RANBP2: variants seen among roughly 807,000 people sequenced by gnomAD.
The protein encoded by RANBP2 is RAN binding protein 2.
In RANBP2, 57 loss-of-function variants were observed where a neutral mutation model predicts 303.6. That is an observed-to-expected ratio of 0.19 (90% confidence interval 0.15 to 0.23). The LOEUF is 0.23. RANBP2 is among the 10% of genes least tolerant of loss of function. The pLI is 1.00. For synonymous variants in RANBP2, 1,167 were observed against 1,301.5 expected (o/e 0.90, Z 2.23); for missense variants, 3,138 against 3,780.8 (o/e 0.83, Z 4.46).
At chr2:109,178,368 T>C in the RANBP2 span, among the ~76,000 whole-genome samples, 1 of 152,226 alleles carries the variant, frequency 6.6e-6, no homozygotes, top group African/African-American at 2.4e-5. Flanking sequence ...AGAAATGATA[T>C]ATACTCAGTG....
At chr2:109,437,245 G>A in the RANBP2 span, 4 of 1,450,612 alleles carry the variant, frequency 2.8e-6, no homozygotes, top group Non-Finnish European at 2.7e-6. Flanking sequence ...AGCAGTGCAT[G>A]TGTGGCTGGT....
chr2:109,588,029 T>C, the RANBP2 span, among the ~76,000 whole-genome samples: 1 of 151,922 alleles, frequency 6.6e-6, no homozygotes, highest in Non-Finnish European at 1.5e-5. Context: ...AAGGCGGACA[T>C]TGCAGTGAGC....
chr2:109,400,979 T>A, the RANBP2 span, among the ~76,000 whole-genome samples: 1 of 152,300 alleles, frequency 6.6e-6, no homozygotes, highest in East Asian at 1.9e-4. Flanking sequence ...GCACCTCCTA[T>A]TTGGAAATTC....
chr2:109,449,203 C>G, the RANBP2 span: 1 of 1,613,676 alleles, frequency 6.2e-7, no homozygotes, highest in South Asian at 1.1e-5. Context: ...CAGGACCGGC[C>G]AACTGCCACC....
intron 1 of RANBP2, among the ~76,000 whole-genome samples, chr2:108,726,260 T>G (rs1694696904): frequency 6.6e-6 from 1 of 152,220 alleles, no homozygotes; most frequent in African/African-American, 2.4e-5. Flanking sequence ...CACCCGCTAG[T>G]TACATACTAG....
the RANBP2 span, among the ~76,000 whole-genome samples, chr2:109,480,174 AAAG>A: frequency 6.6e-6 from 1 of 152,250 alleles, no homozygotes; most frequent in African/African-American, 2.4e-5. Flanking sequence ...TGCTTTCAGA[AAAG>A]AAGGCGTTGT....
At chr2:109,031,330 T>C in the RANBP2 span, among the ~76,000 whole-genome samples, 1 of 151,862 alleles carries the variant, frequency 6.6e-6, no homozygotes, top group African/African-American at 2.4e-5. Context: ...AGGGGTGGGG[T>C]AGAGACGGGA....
chr2:108,848,930 G>A, the RANBP2 span, among the ~76,000 whole-genome samples: 2 of 152,150 alleles, frequency 1.3e-5, no homozygotes, highest in Admixed American at 6.5e-5. Flanking sequence ...ACAGATGATA[G>A]AATTAGTAGA....
At chr2:109,574,439 T>C in the RANBP2 span, 1 of 380,920 alleles carries the variant, frequency 2.6e-6, no homozygotes, top group Non-Finnish European at 3.7e-6. Flanking sequence ...AGTGACTTTA[T>C]CTCTAAAAAA....
At chr2:109,738,892 T>TA in the RANBP2 span, among the ~76,000 whole-genome samples, 4 of 150,832 alleles carry the variant, frequency 2.7e-5, no homozygotes, top group Non-Finnish European at 5.9e-5. Flanking sequence ...TTTAAGGTCT[T>TA]AAATTTAAGT....
the RANBP2 span, among the ~76,000 whole-genome samples, chr2:109,571,530 A>G: frequency 2.6e-5 from 4 of 152,366 alleles, no homozygotes; most frequent in South Asian, 8.3e-4. Context: ...TACAATGCTA[A>G]GTATGTGTAT....
chr2:108,819,667 C>T, the RANBP2 span, among the ~76,000 whole-genome samples: 6 of 152,196 alleles, frequency 3.9e-5, no homozygotes, highest in African/African-American at 1.4e-4. Flanking sequence ...CCCAAAACCT[C>T]TAACTGGGCT....
chr2:109,680,318 A>G, the RANBP2 span, among the ~76,000 whole-genome samples: 1 of 151,704 alleles, frequency 6.6e-6, no homozygotes, highest in Non-Finnish European at 1.5e-5. Flanking sequence ...ACGCCACTGC[A>G]AGAGATCACG....
Position 108,736,098 on chromosome 2 carries a change from A to T in RANBP2, c.637-6A>T. The T allele has an allele frequency of 6.2e-7, 1 of 1,611,836 alleles. No individual in the cohort carries two copies. The highest frequency in any genetic ancestry group is 8.5e-7 in the Non-Finnish European group (1 of 1,179,784). ...TTTGTAACTTACTGTTCATTCCACA[A>T]AATAGGAATATCTGGAGTCTTTACA... On this transcript the variant is annotated splice_polypyrimidine_tract_variant and splice_region_variant and intron_variant, in intron 5 of 28. Coordinates refer to ENST00000283195, the MANE Select transcript of RANBP2 (RefSeq NM_006267.5).
chr2:108,936,811 C>A, the RANBP2 span, among the ~76,000 whole-genome samples: 3 of 152,184 alleles, frequency 2.0e-5, no homozygotes, highest in Admixed American at 6.5e-5. Context: ...CTGCTTTAGT[C>A]GGATCTGTTT....
At chr2:108,787,005 A>G (rs1055302384), downstream of RANBP2, 1 of 864,306 alleles carries the variant, frequency 1.2e-6, no homozygotes, top group Non-Finnish European at 1.6e-6. Flanking sequence ...GGGGGCGCGC[A>G]GCGGCTCTGG....
chr2:109,509,798 C>T, the RANBP2 span, among the ~76,000 whole-genome samples: 1 of 152,084 alleles, frequency 6.6e-6, no homozygotes, highest in Non-Finnish European at 1.5e-5. Flanking sequence ...CGCTGAGGCA[C>T]TGGGGGCTAG....
At chr2:109,555,950 G>A in the RANBP2 span, among the ~76,000 whole-genome samples, 3 of 152,146 alleles carry the variant, frequency 2.0e-5, no homozygotes, top group Non-Finnish European at 4.4e-5. Context: ...TCCAAGCACT[G>A]CCATGGCATT....
At chr2:109,088,502 G>A in the RANBP2 span, among the ~76,000 whole-genome samples, 133 of 151,814 alleles carry the variant, frequency 8.8e-4, no homozygotes, top group Admixed American at 2.0e-3. Flanking sequence ...AGGAAACAAT[G>A]CTGTCTTTAT....
Sources: allele counts gnomAD v4.1 joint callset (sites outside exome capture counted in the v4.1 genomes callset), GRCh38; gene constraint gnomAD v4.1.1; transcripts MANE v1.5; gene names NCBI Gene and HGNC (gene_info 2026-07-23, HGNC 2026-07-21).